AR: variants seen among roughly 807,000 people sequenced by gnomAD.
The protein encoded by AR is dihydrotestosterone receptor.
AR carries 8 observed loss-of-function variants against 53.9 expected under a neutral mutation model. That is an observed-to-expected ratio of 0.15 (90% CI 0.09 to 0.27). The LOEUF is 0.27. Among genes scored for constraint, AR ranks in the 10% least tolerant of loss-of-function variants. AR has a pLI of 1.00. For missense variants in AR, 639 were observed against 742.5 expected, an observed-to-expected ratio of 0.86 and a Z score of 1.62; for synonymous variants, 359 against 316.4, an observed-to-expected ratio of 1.13 and a Z score of -1.43.
Position 67,724,180 on chromosome X carries a change from T to A in AR, c.*339T>A, listed in dbSNP as rs1175881416. The stretch of plus-strand genomic sequence containing the variant: ...GTCAAGTTGTGCTTGTTTACAGCAC[T>A]ACTCTGTGCCAGCCACACAAACGTT... On this transcript the variant is annotated 3_prime_UTR_variant, in exon 8 of 8. Coordinates refer to ENST00000374690, the MANE Select transcript of AR (RefSeq NM_000044.6). 1.6e-5 allele frequency: 4 copies of A among 250,325 alleles called. No individual in the cohort carries two copies. Among genetic ancestry groups the A allele is most frequent in the Non-Finnish European group, 2.8e-5 (4 of 141,373 alleles). 20.6% of individuals were successfully genotyped at this position (250,325 alleles called of 1,213,427 possible). A position where few individuals can be genotyped will look rare whatever the true frequency, so the allele number is the denominator to read the frequency against.
At chrX:67,692,993 G>T (rs2076002728) in intron 3 of AR, among the ~76,000 whole-genome samples, 1 of 112,625 alleles carries the variant, frequency 8.9e-6, no homozygotes, top group Admixed American at 9.4e-5. Flanking sequence ...GTTCTTAAGG[G>T]AATTTGCATA....
chrX:67,680,904 G>A (rs1233775389), intron 2 of AR: 1 of 262,357 alleles, frequency 3.8e-6, no homozygotes, highest in South Asian at 4.1e-5. Flanking sequence ...GGAAGGATAC[G>A]ACTATGAAGA....
chrX:67,631,699 G>C (rs1048300636), intron 1 of AR, among the ~76,000 whole-genome samples: 1 of 112,504 alleles, frequency 8.9e-6, no homozygotes, highest in Non-Finnish European at 1.9e-5. Flanking sequence ...GCGTTCCTTT[G>C]GAGGAGGAGA....
rs762600482 is a variant in AR at position 67,711,019 on chromosome X, A to C, written c.1886-383A>C. Among the ~76,000 whole-genome samples the C allele has an allele frequency of 1.1e-3, 126 of 112,330 alleles. 1 individual carries two copies. Among genetic ancestry groups the C allele is most frequent in the Non-Finnish European group, 2.0e-3 (105 of 53,311 alleles). On this transcript the variant is annotated intron_variant, in intron 3 of 7. Transcript: ENST00000374690. ...TGTCTTTTCTGTCACCCAGAAGCAA[A>C]GGTCTAACAATGGATATCTGCTGAA...
chrX:67,723,898 G>T lies in AR; in HGVS notation c.*57G>T. The T allele has an allele frequency of 8.5e-7, 1 of 1,182,971 alleles. No individual in the cohort carries two copies. On this transcript the variant is annotated 3_prime_UTR_variant, in exon 8 of 8. Coordinates refer to ENST00000374690, the MANE Select transcript of AR (RefSeq NM_000044.6). The stretch of plus-strand genomic sequence containing the variant: ...TCATGCCCCCTTTCAGATGTCTTCT[G>T]CCTGTTATAACTCTGCACTACTCCT...
intron 1 of AR, among the ~76,000 whole-genome samples, chrX:67,593,231 C>T (rs936184835): frequency 1.9e-4 from 21 of 111,936 alleles, no homozygotes; most frequent in Non-Finnish European, 3.4e-4. Flanking sequence ...ATGATCTTTT[C>T]CGAAACAGAC....
chrX:67,636,648 AG>A (rs1365301543), intron 1 of AR, among the ~76,000 whole-genome samples: 1 of 111,993 alleles, frequency 8.9e-6, no homozygotes, highest in Non-Finnish European at 1.9e-5. Context: ...AACTTTCTCT[AG>A]GATATAAGCC....
intron 1 of AR, among the ~76,000 whole-genome samples, chrX:67,603,441 C>G (rs943038390): frequency 9.0e-6 from 1 of 111,691 alleles, no homozygotes; most frequent in Non-Finnish European, 1.9e-5. Flanking sequence ...AGGAGATTGT[C>G]TGTGAACTGG....
Position 67,729,061 on chromosome X carries a change from T to C in AR, c.*5220T>C, listed in dbSNP as rs1275796379. On this transcript the variant is annotated 3_prime_UTR_variant, in exon 8 of 8. Transcript: ENST00000374690. ...TGTGAGAGAAGGGCAGTTTCCTGCATTGGAACCTGGAGCAAGCGCTCTATC... is the reference window on the plus strand; with the variant it reads ...TGTGAGAGAAGGGCAGTTTCCTGCACTGGAACCTGGAGCAAGCGCTCTATC... 3.4e-5 allele frequency: 6 copies of C among 174,291 alleles called. No individual in the cohort carries two copies. The East Asian group carries it at 4.9e-4, about 14-fold the overall frequency. The allele number at this position is 174,291 out of a possible 1,213,427, so 14.4% of individuals were successfully genotyped here.
At chrX:67,717,409 C>A (rs2147530286) in intron 4 of AR, 69 bp from the exon 5 acceptor site, 4 of 1,182,314 alleles carry the variant, frequency 3.4e-6, no homozygotes, top group Non-Finnish European at 2.3e-6. Flanking sequence ...CTCTGCCCAA[C>A]AGGGACTCAG....
chrX:67,695,687 T>C, intron 3 of AR: 2 of 752,107 alleles, frequency 2.7e-6, no homozygotes, highest in Non-Finnish European at 3.1e-6. Context: ...TCAGAAGGAC[T>C]CTCCCTGACT....
chrX:67,645,421 TC>T (rs1476356930), intron 2 of AR, among the ~76,000 whole-genome samples: 1 of 110,765 alleles, frequency 9.0e-6, no homozygotes, highest in Non-Finnish European at 1.9e-5. Context: ...ATGAGGTGGA[TC>T]CTGTGCCATT....
chrX:67,634,648 G>A (rs1473295258), intron 1 of AR, among the ~76,000 whole-genome samples: 6 of 111,321 alleles, frequency 5.4e-5, no homozygotes, highest in Non-Finnish European at 1.1e-4. Flanking sequence ...CCTCGTGAAT[G>A]AACACACACT....
intron 4 of AR, among the ~76,000 whole-genome samples, chrX:67,717,186 T>C (rs1357265068): frequency 1.8e-5 from 2 of 112,293 alleles, no homozygotes; most frequent in Admixed American, 9.4e-5. Flanking sequence ...AGTTCACTCA[T>C]ATAAGCAGTC....
At chrX:67,670,831 A>G (rs1053169951) in intron 2 of AR, among the ~76,000 whole-genome samples, 3 of 110,589 alleles carry the variant, frequency 2.7e-5, no homozygotes, top group Non-Finnish European at 5.7e-5. Flanking sequence ...ACTGCCACTT[A>G]TGAGTGAGAA....
At chrX:67,588,447 G>T (rs1183510904) in intron 1 of AR, among the ~76,000 whole-genome samples, 1 of 111,963 alleles carries the variant, frequency 8.9e-6, no homozygotes, top group African/African-American at 3.3e-5. Context: ...TACAACAGCC[G>T]CCACCCAGCA....
chrX:67,561,502 A>G (rs1921301675), intron 1 of AR, among the ~76,000 whole-genome samples: 1 of 112,583 alleles, frequency 8.9e-6, no homozygotes, highest in Non-Finnish European at 1.9e-5. Flanking sequence ...CAAGTAATCT[A>G]GATATAAATG....
intron 3 of AR, among the ~76,000 whole-genome samples, chrX:67,692,060 C>A (rs1012867027): frequency 8.9e-6 from 1 of 112,152 alleles, no homozygotes; most frequent in East Asian, 2.8e-4. Flanking sequence ...GTCTGACCAA[C>A]ATTTTGACAT....
chrX:67,685,069 G>C (rs941555031), intron 2 of AR, among the ~76,000 whole-genome samples: 2 of 111,294 alleles, frequency 1.8e-5, no homozygotes, highest in African/African-American at 6.5e-5. Flanking sequence ...AGCTGAAGCT[G>C]GAGCACGGTT....
Sources: gnomAD v4.1 joint callset for allele counts (sites outside exome capture counted in the v4.1 genomes callset) on GRCh38, gnomAD v4.1.1 for gene constraint, MANE v1.5 for transcripts, NCBI Gene and HGNC (gene_info 2026-07-23, HGNC 2026-07-21) for gene names.